FBXO21: variants seen among roughly 807,000 people sequenced by gnomAD.
FBXO21 encodes F-box only protein 21.
FBXO21 carries 32 observed loss-of-function variants against 76.6 expected under a neutral mutation model. The ratio of observed to expected loss-of-function variants is 0.42; its 90% CI spans 0.32 to 0.56. FBXO21 has a LOEUF of 0.56. FBXO21 is among the 20% of genes least tolerant of loss of function. The pLI, the probability that FBXO21 is intolerant of heterozygous loss-of-function variation, is 0.16. For synonymous variants in FBXO21, 328 were observed against 311.5 expected, an observed-to-expected ratio of 1.05 and a Z score of -0.56; for missense variants, 586 against 797.3, an observed-to-expected ratio of 0.73 and a Z score of 3.19.
chr12:117,151,646 T>C (rs1219555418), intron 11 of FBXO21, among the ~76,000 whole-genome samples: 1 of 152,064 alleles, frequency 6.6e-6, no homozygotes, highest in African/African-American at 2.4e-5. Flanking sequence ...TGGCTAAAAA[T>C]GGGCAAATGT....
chr12:117,155,672 G>T, intron 11 of FBXO21, 119 bp downstream of exon 11: 1 of 1,151,316 alleles, frequency 8.7e-7, no homozygotes, highest in Non-Finnish European at 1.2e-6. Context: ...CCGGCCATGG[G>T]GCGTCGGCCG....
At chr12:117,150,106 C>T (rs1461938736) in intron 11 of FBXO21, among the ~76,000 whole-genome samples, 1 of 152,172 alleles carries the variant, frequency 6.6e-6, no homozygotes, top group Admixed American at 6.5e-5. Context: ...AAGTTGGCAA[C>T]TATGTATTAT....
At chr12:117,148,700 A>G (rs1955806522) in intron 11 of FBXO21, among the ~76,000 whole-genome samples, 1 of 152,216 alleles carries the variant, frequency 6.6e-6, no homozygotes, top group Non-Finnish European at 1.5e-5. Flanking sequence ...CAAACCAGAC[A>G]GTCCCATTCC....
chr12:117,160,238 C>T (rs190346885), intron 9 of FBXO21, among the ~76,000 whole-genome samples: 7 of 152,244 alleles, frequency 4.6e-5, no homozygotes, highest in African/African-American at 1.7e-4. Context: ...TAAACAAACA[C>T]AACTTATTCA....
At chr12:117,186,691 A>G (rs1956286284) in intron 2 of FBXO21, 120 bp from the exon 3 acceptor site, 3 of 630,134 alleles carry the variant, frequency 4.8e-6, no homozygotes, top group East Asian at 5.4e-5. Context: ...CAGTTATTCT[A>G]CACTACCTTG....
At chr12:117,164,888 A>G (rs1027223414) in intron 9 of FBXO21, among the ~76,000 whole-genome samples, 5 of 152,180 alleles carry the variant, frequency 3.3e-5, no homozygotes, top group Admixed American at 1.3e-4. Context: ...ACCATTATAC[A>G]CAACGGGCCT....
At chr12:117,171,167 T>C (rs914061608) in intron 7 of FBXO21, among the ~76,000 whole-genome samples, 1 of 151,892 alleles carries the variant, frequency 6.6e-6, no homozygotes, top group African/African-American at 2.4e-5. Flanking sequence ...CGTTCAAGAC[T>C]AGCCTGGGCA....
intron 6 of FBXO21, 113 bp downstream of exon 6, chr12:117,174,092 G>A (rs1382035080): frequency 4.9e-5 from 42 of 860,632 alleles, no homozygotes; most frequent in South Asian, 3.3e-4. Context: ...AGCTATGATC[G>A]CGCCACTGCA....
chr12:117,148,011 G>A (rs1185333757), intron 11 of FBXO21, among the ~76,000 whole-genome samples: 1 of 152,192 alleles, frequency 6.6e-6, no homozygotes, highest in African/African-American at 2.4e-5. Flanking sequence ...TTAAACAGCT[G>A]GGTTAAACAT....
In FBXO21 at chr12:117,146,083, G is replaced by A. The variant is rs776485711; in HGVS notation, c.*4C>T. The A allele has an allele frequency of 2.5e-6, 4 of 1,585,848 alleles. No homozygotes were observed. The highest frequency in any genetic ancestry group is 1.4e-5 in the African/African-American group (1 of 73,770). On this transcript the variant is annotated 3_prime_UTR_variant, in exon 12 of 12. Transcript: ENST00000622495. Reference sequence around the variant, plus strand: ...CAGCAAAGGTGCAATGTCCTCTCTAGACTTTACTCATCTATGTTCTCTTTC... The same window carrying A: ...CAGCAAAGGTGCAATGTCCTCTCTAAACTTTACTCATCTATGTTCTCTTTC...
chr12:117,151,363 C>A (rs887103956), intron 11 of FBXO21, among the ~76,000 whole-genome samples: 4 of 152,024 alleles, frequency 2.6e-5, no homozygotes, highest in South Asian at 4.1e-4. Context: ...GAGTACACAC[C>A]GGGGAAAGAA....
intron 10 of FBXO21, among the ~76,000 whole-genome samples, chr12:117,157,670 T>TA (rs142692945): frequency 3.9e-5 from 6 of 151,918 alleles, no homozygotes; most frequent in Non-Finnish European, 7.4e-5. Flanking sequence ...AGCTGCTGCT[T>TA]AAAAAACACA....
chr12:117,159,559 C>G lies in FBXO21; in HGVS notation c.1327-1496G>C, dbSNP rs550862206. ...AGTATAATCCCAAGTACCCCAAACC[C>G]AGTTTTGACAAGAATCAACAGACAG... On this transcript the variant is annotated intron_variant, in intron 9 of 11. Coordinates refer to ENST00000622495, the MANE Select transcript of FBXO21 (RefSeq NM_015002.3). Among the ~76,000 whole-genome samples the G allele has an allele frequency of 5.9e-5, 9 of 152,282 alleles. No homozygotes were observed. The South Asian group carries it at 1.7e-3, about 28-fold the overall frequency.
At chr12:117,161,080 A>C (rs1955971095) in intron 9 of FBXO21, among the ~76,000 whole-genome samples, 1 of 152,150 alleles carries the variant, frequency 6.6e-6, no homozygotes, top group Non-Finnish European at 1.5e-5. Flanking sequence ...CAGATGACGG[A>C]GCAGCAGCTA....
In FBXO21 at chr12:117,174,245, C is replaced by T. The variant is rs779630988; in HGVS notation, c.836G>A (p.Arg279Gln). Residue 279 changes from arginine to glutamine, a missense_variant, in exon 6 of 12, where the codon CGA becomes CAA. Arg to Gln is a conservative substitution (Grantham distance 43). Transcript: ENST00000622495. ...GTTGAGGGCATTATAGTAATCCATTCGATTCCCCTTGAACTTCAGTTGGTC... is the reference window on the plus strand; with the variant it reads ...GTTGAGGGCATTATAGTAATCCATTTGATTCCCCTTGAACTTCAGTTGGTC... ...LYDQLKFKGN[R>Q]MDYYNALNLY... The T allele has an allele frequency of 3.1e-6, 5 of 1,613,346 alleles. No homozygotes were observed. The highest frequency in any genetic ancestry group is 4.2e-6 in the Non-Finnish European group (5 of 1,179,274).
rs566258757 is a variant in FBXO21 at position 117,163,084 on chromosome 12, G to A, written c.1326+2401C>T. On this transcript the variant is annotated intron_variant, in intron 9 of 11. Transcript: ENST00000622495. ...ATTAAGGGTAGGCAGTCACACATGC[G>A]CTGGCAATGAGCCACTTTTCTCCCC... is the stretch of plus-strand genomic sequence containing the variant. Among the ~76,000 whole-genome samples the A allele has an allele frequency of 2.0e-4, 31 of 152,300 alleles. No homozygotes were observed. In the East Asian group the frequency reaches 3.3e-3, roughly 16 times the overall value.
intron 11 of FBXO21, among the ~76,000 whole-genome samples, chr12:117,147,227 A>G (rs967172281): frequency 5.5e-5 from 8 of 146,762 alleles, no homozygotes; most frequent in Admixed American, 4.1e-4. Context: ...GGACAACAAG[A>G]GCAAAAGTCC....
chr12:117,157,201 AAAAAG>A (rs1462923781), intron 10 of FBXO21, among the ~76,000 whole-genome samples: 1 of 152,130 alleles, frequency 6.6e-6, no homozygotes, highest in African/African-American at 2.4e-5. Flanking sequence ...AAAAAAAGAA[AAAAAG>A]AAAAGAAAAA....
chr12:117,176,356 T>G (rs1401887309), intron 4 of FBXO21, among the ~76,000 whole-genome samples: 1 of 152,092 alleles, frequency 6.6e-6, no homozygotes, highest in African/African-American at 2.4e-5. Context: ...AGGGATATCA[T>G]GAATGAGGAA....
Sources: gnomAD v4.1 joint callset for allele counts (sites outside exome capture counted in the v4.1 genomes callset) on GRCh38, gnomAD v4.1.1 for gene constraint, MANE v1.5 for transcripts, NCBI Gene and HGNC (gene_info 2026-07-23, HGNC 2026-07-21) for gene names.